AMPH: variants seen among roughly 807,000 people sequenced by gnomAD.
AMPH encodes the protein amphiphysin (Stiff-Mann syndrome with breast cancer 128kD autoantigen).
AMPH carries 49 observed loss-of-function variants against 99.1 expected under a neutral mutation model. That is an observed-to-expected ratio of 0.49 (90% CI 0.39 to 0.63). The LOEUF is 0.63. Ranked by LOEUF, AMPH falls within the 20% of genes least tolerant of loss-of-function variation. The pLI is 0.00. For synonymous variants in AMPH, 314 were observed against 317.3 expected (o/e 0.99, Z 0.11); for missense variants, 759 against 863.4 (o/e 0.88, Z 1.52).
chr7:38,417,461 A>G (rs1223398961), intron 17 of AMPH, among the ~76,000 whole-genome samples: 1 of 152,236 alleles, frequency 6.6e-6, no homozygotes, highest in Non-Finnish European at 1.5e-5. Flanking sequence ...TGTACACACA[A>G]TGAACAAAGT....
chr7:38,602,025 C>T (rs1017362320), intron 1 of AMPH, among the ~76,000 whole-genome samples: 1 of 152,182 alleles, frequency 6.6e-6, no homozygotes, highest in Admixed American at 6.5e-5. Flanking sequence ...TCTAAACGCC[C>T]TAAGGAAGGC....
chr7:38,413,362 T>C (rs1785268766), intron 17 of AMPH, among the ~76,000 whole-genome samples: 1 of 89,864 alleles, frequency 1.1e-5, no homozygotes, highest in Non-Finnish European at 2.3e-5. Flanking sequence ...AAAGCCAAAG[T>C]ATCTGAATGA....
At chr7:38,463,555 C>T (rs1787538458) in intron 9 of AMPH, among the ~76,000 whole-genome samples, 1 of 152,136 alleles carries the variant, frequency 6.6e-6, no homozygotes, top group Admixed American at 6.5e-5. Context: ...GAGAATCTTG[C>T]CATGTCACAA....
At chr7:38,455,165 C>A (rs574806286) in intron 11 of AMPH, among the ~76,000 whole-genome samples, 2 of 151,952 alleles carry the variant, frequency 1.3e-5, no homozygotes, top group African/African-American at 2.4e-5. Context: ...CCGCAACCTC[C>A]GCCTCCCACC....
intron 1 of AMPH, among the ~76,000 whole-genome samples, chr7:38,570,851 G>C (rs1791918843): frequency 7.2e-6 from 1 of 139,496 alleles, no homozygotes; most frequent in African/African-American, 2.7e-5. Context: ...GGAGGTGGAA[G>C]ACAGTGATAC....
intron 1 of AMPH, among the ~76,000 whole-genome samples, chr7:38,584,212 T>C (rs929582902): frequency 6.6e-6 from 1 of 152,198 alleles, no homozygotes; most frequent in Non-Finnish European, 1.5e-5. Flanking sequence ...GGCCTCTGTG[T>C]CCTTTTGAAG....
chr7:38,590,032 T>C (rs1792798012), intron 1 of AMPH, among the ~76,000 whole-genome samples: 1 of 152,156 alleles, frequency 6.6e-6, no homozygotes, highest in Non-Finnish European at 1.5e-5. Flanking sequence ...ATGACATTGA[T>C]GGAGTGTTGA....
chr7:38,453,422 C>T (rs1787108784), intron 11 of AMPH, among the ~76,000 whole-genome samples: 1 of 152,190 alleles, frequency 6.6e-6, no homozygotes, highest in African/African-American at 2.4e-5. Context: ...GCAGCTGGAA[C>T]ATGCTTCTGT....
chr7:38,404,132 G>C (rs1211591375), intron 17 of AMPH, among the ~76,000 whole-genome samples: 1 of 151,880 alleles, frequency 6.6e-6, no homozygotes, highest in Non-Finnish European at 1.5e-5. Context: ...CAGCATCTAT[G>C]TGAACTGAAG....
At chr7:38,611,502 A>G (rs1210328237) in intron 1 of AMPH, among the ~76,000 whole-genome samples, 1 of 152,198 alleles carries the variant, frequency 6.6e-6, no homozygotes, top group Non-Finnish European at 1.5e-5. Context: ...AGACGTAAAC[A>G]TCTCTTATCT....
intron 1 of AMPH, among the ~76,000 whole-genome samples, chr7:38,586,547 T>C (rs28445255): frequency 0.019 from 2,784 of 149,270 alleles, 90 homozygotes; most frequent in African/African-American, 0.065. Context: ...CTAAGCAACA[T>C]AGACTGATCT....
chr7:38,440,765 A>T (rs753788877), intron 11 of AMPH, among the ~76,000 whole-genome samples: 2 of 152,150 alleles, frequency 1.3e-5, no homozygotes, highest in Non-Finnish European at 2.9e-5. Flanking sequence ...AACTAAAATG[A>T]CAAAACAATG....
chr7:38,601,420 T>G (rs1462145630), intron 1 of AMPH, among the ~76,000 whole-genome samples: 1 of 152,252 alleles, frequency 6.6e-6, no homozygotes, highest in African/African-American at 2.4e-5. Context: ...AAATTATTTT[T>G]TCTCTTTGCT....
At chr7:38,466,744 T>G (rs2129010675) in intron 7 of AMPH, among the ~76,000 whole-genome samples, 1 of 152,302 alleles carries the variant, frequency 6.6e-6, no homozygotes, top group Non-Finnish European at 1.5e-5. Context: ...TAGTTATTAT[T>G]ATGTGTTTGG....
chr7:38,413,825 T>C (rs1483301648), intron 17 of AMPH, among the ~76,000 whole-genome samples: 1 of 152,224 alleles, frequency 6.6e-6, no homozygotes, highest in East Asian at 1.9e-4. Context: ...CCTCTGATCT[T>C]CAATGTCTTC....
At chr7:38,409,987 A>G (rs1249568743) in intron 17 of AMPH, among the ~76,000 whole-genome samples, 2 of 152,228 alleles carry the variant, frequency 1.3e-5, no homozygotes, top group African/African-American at 4.8e-5. Flanking sequence ...GTTCTCTCTC[A>G]GAGATGAGGA....
chr7:38,620,270 C>T (rs1401884725), intron 1 of AMPH, among the ~76,000 whole-genome samples: 2 of 151,582 alleles, frequency 1.3e-5, no homozygotes, highest in Non-Finnish European at 2.9e-5. Context: ...TCTCTCTCTC[C>T]TTCCCTCCTT....
chr7:38,631,367 G>A lies in AMPH; in HGVS notation c.-16C>T, dbSNP rs1161853646. On this transcript the variant is annotated 5_prime_UTR_variant, in exon 1 of 21. Coordinates refer to ENST00000356264, the MANE Select transcript of AMPH (RefSeq NM_001635.4). ...TGTCGGCCATGGCTGCGGGTCCGGGGAGCTGCGAAGAGCAGAGCGCGCAGC... is the reference window on the plus strand; with the variant it reads ...TGTCGGCCATGGCTGCGGGTCCGGGAAGCTGCGAAGAGCAGAGCGCGCAGC... The A allele has an allele frequency of 1.3e-6, 2 of 1,538,504 alleles. No homozygotes were observed. The highest frequency in any genetic ancestry group is 1.7e-6 in the Non-Finnish European group (2 of 1,143,880).
At chr7:38,415,091 T>C (rs1424276053) in intron 17 of AMPH, among the ~76,000 whole-genome samples, 1 of 152,154 alleles carries the variant, frequency 6.6e-6, no homozygotes, top group East Asian at 1.9e-4. Flanking sequence ...TTTGATGTTG[T>C]TGGGAAAAAC....
Sources: gnomAD v4.1 joint callset for allele counts (sites outside exome capture counted in the v4.1 genomes callset) on GRCh38, gnomAD v4.1.1 for gene constraint, MANE v1.5 for transcripts, NCBI Gene and HGNC (gene_info 2026-07-23, HGNC 2026-07-21) for gene names.